The following UBE2K variants were observed in gnomAD, a reference collection of about 807,000 sequenced individuals.
UBE2K encodes ubiquitin-conjugating enzyme E2 K.
A neutral mutation model predicts 30.0 loss-of-function variants in UBE2K; 6 were observed. That is an observed-to-expected ratio of 0.20 (90% CI 0.11 to 0.39). The LOEUF is 0.39. UBE2K is among the 10% of genes least tolerant of loss of function. The probability of loss-of-function intolerance (pLI) is 1.00; values close to 1 mark genes in which losing one functional copy is unlikely to be tolerated. For synonymous variants in UBE2K, 86 were observed against 83.7 expected, an observed-to-expected ratio of 1.03 and a Z score of -0.15; for missense variants, 61 against 241.6, an observed-to-expected ratio of 0.25 and a Z score of 4.96.
At chr4:39,776,334 C>T (rs1454704080) in intron 5 of UBE2K, among the ~76,000 whole-genome samples, 1 of 152,210 alleles carries the variant, frequency 6.6e-6, no homozygotes, top group African/African-American at 2.4e-5. Context: ...TTCTTTTCAA[C>T]TGCTCTGATA....
At chr4:39,742,878 T>C (rs995039798) in intron 2 of UBE2K, among the ~76,000 whole-genome samples, 3 of 152,080 alleles carry the variant, frequency 2.0e-5, no homozygotes, top group South Asian at 4.1e-4. Flanking sequence ...AAACCTCATC[T>C]CTACTAAAAA....
rs1718059997 is a variant in UBE2K, at chr4:39,702,226, CTTTTCTTTTTTTTTTTTTTTTTTTT to C, written c.63+3841_63+3865del. On this transcript the variant is annotated intron_variant, in intron 1 of 6. Transcript: ENST00000261427. Reference sequence around the variant, plus strand: ...GTAACATTTTCTTTTCTTTTCTTTTCTTTTCTTTTTTTTTTTTTTTTTTTTTTTTTTTTTTTTTTTTTTTTGAGAC... The same window carrying C: ...GTAACATTTTCTTTTCTTTTCTTTTCTTTTTTTTTTTTTTTTTTTTGAGAC... Among the ~76,000 whole-genome samples, 6 of 90,860 alleles carry C rather than the reference CTTTTCTTTTTTTTTTTTTTTTTTTT, an allele frequency of 6.6e-5. No individual in the cohort carries two copies. In the East Asian group the frequency reaches 1.9e-3, roughly 29 times the overall value. 59.6% of individuals were successfully genotyped at this position (90,860 alleles called of 152,430 possible). A position where few individuals can be genotyped will look rare whatever the true frequency, so the allele number is the denominator to read the frequency against.
chr4:39,744,803 A>G (rs903435348), intron 2 of UBE2K, among the ~76,000 whole-genome samples: 4 of 151,390 alleles, frequency 2.6e-5, no homozygotes, highest in African/African-American at 9.7e-5. Flanking sequence ...GCTACTTGGG[A>G]GGCTGAGGCA....
At chr4:39,774,617 GAAA>G (rs532355558) in intron 4 of UBE2K, among the ~76,000 whole-genome samples, 74 of 151,296 alleles carry the variant, frequency 4.9e-4, no homozygotes, top group African/African-American at 1.6e-3. Flanking sequence ...CGTCTCAGGG[GAAA>G]AAAAGAAAAA....
At chr4:39,709,450 T>C (rs1718554314) in intron 1 of UBE2K, among the ~76,000 whole-genome samples, 2 of 152,110 alleles carry the variant, frequency 1.3e-5, no homozygotes, top group Non-Finnish European at 2.9e-5. Flanking sequence ...TTACCCATTG[T>C]CAACCATCGT....
At chr4:39,704,213 G>A (rs1466866757) in intron 1 of UBE2K, among the ~76,000 whole-genome samples, 1 of 151,594 alleles carries the variant, frequency 6.6e-6, no homozygotes, top group Non-Finnish European at 1.5e-5. Context: ...CGGTGATTGT[G>A]CCACTGCACT....
Position 39,781,763 on chromosome 4 carries a change from A to G in UBE2K, c.*3329A>G, listed in dbSNP as rs1044107178. ...GTTTACAGTTAACTTTATTTCATGG[A>G]CTTCTACAAAATGTTGTATTAATCA... On this transcript the variant is annotated 3_prime_UTR_variant, in exon 7 of 7. Transcript: ENST00000261427. 35 of 394,530 alleles carry G rather than the reference A, an allele frequency of 8.9e-5. No individual in the cohort carries two copies. Among genetic ancestry groups the G allele is most frequent in the Non-Finnish European group, 1.3e-4 (28 of 223,734 alleles). 24.4% of individuals were successfully genotyped at this position (394,530 alleles called of 1,614,324 possible). A position where few individuals can be genotyped will look rare whatever the true frequency, so the allele number is the denominator to read the frequency against.
intron 1 of UBE2K, among the ~76,000 whole-genome samples, chr4:39,734,119 T>TA (rs1331708897): frequency 6.6e-6 from 1 of 151,476 alleles, no homozygotes; most frequent in Non-Finnish European, 1.5e-5. Flanking sequence ...TTTTTTTTTT[T>TA]TTTTGAGACA....
chr4:39,770,700 T>G, intron 4 of UBE2K: 1 of 1,573,124 alleles, frequency 6.4e-7, no homozygotes, highest in Non-Finnish European at 8.6e-7. Context: ...CACGCTGCTC[T>G]GGGCCAGCTC....
intron 4 of UBE2K, among the ~76,000 whole-genome samples, chr4:39,773,794 G>A (rs1022609559): frequency 6.6e-5 from 10 of 151,928 alleles, no homozygotes; most frequent in South Asian, 2.1e-4. Flanking sequence ...GGTGGCGGGC[G>A]CCTGTTGTCC....
chr4:39,727,386 G>A lies in UBE2K; in HGVS notation c.64-10034G>A, dbSNP rs62310120. ...TCTTATGGGGGGAGCGCTGAGACAG[G>A]ATACACCACAGTCACCCAGGCAGGA... On this transcript the variant is annotated intron_variant, in intron 1 of 6. Transcript: ENST00000261427. Among the ~76,000 whole-genome samples the A allele has an allele frequency of 5.2e-3, 789 of 152,210 alleles. 3 individuals are homozygous for A. Among genetic ancestry groups the A allele is most frequent in the Middle Eastern group, 0.01 (3 of 294 alleles).
intron 4 of UBE2K, among the ~76,000 whole-genome samples, chr4:39,762,737 C>T (rs556544842): frequency 6.6e-6 from 1 of 152,248 alleles, no homozygotes; most frequent in East Asian, 1.9e-4. Flanking sequence ...TGGGTTCAAG[C>T]GATTCTCCTG....
At chr4:39,707,511 A>G (rs1398675740) in intron 1 of UBE2K, among the ~76,000 whole-genome samples, 1 of 149,944 alleles carries the variant, frequency 6.7e-6, no homozygotes, top group Non-Finnish European at 1.5e-5. Flanking sequence ...GTATGACTGT[A>G]TGAGGGAGGT....
rs924903248 is a variant in UBE2K, at chr4:39,724,189, C to A, written c.64-13231C>A. Among the ~76,000 whole-genome samples, 46 of 151,272 alleles carry A rather than the reference C, an allele frequency of 3.0e-4. 1 individual carries two copies. Among genetic ancestry groups the A allele is most frequent in the African/African-American group, 8.8e-4 (36 of 41,100 alleles). ...GTGGCACAATCATGGCTTACTACAA[C>A]CTGGAACTCCTGGGCTCAAGTGATC... On this transcript the variant is annotated intron_variant, in intron 1 of 6. Transcript: ENST00000261427.
intron 4 of UBE2K, among the ~76,000 whole-genome samples, chr4:39,759,918 G>A (rs1160636136): frequency 1.3e-5 from 2 of 152,174 alleles, no homozygotes; most frequent in African/African-American, 4.8e-5. Flanking sequence ...GCTCATGCCT[G>A]TTATCCCAAC....
intron 4 of UBE2K, among the ~76,000 whole-genome samples, chr4:39,764,729 ATTTCTT>A (rs1560375335): frequency 6.6e-6 from 1 of 151,992 alleles, no homozygotes; most frequent in African/African-American, 2.4e-5. Flanking sequence ...CCCCCGGCTG[ATTTCTT>A]TTTCTTTAAC....
At chr4:39,709,391 T>C (rs1280358591) in intron 1 of UBE2K, among the ~76,000 whole-genome samples, 2 of 152,100 alleles carry the variant, frequency 1.3e-5, no homozygotes, top group Non-Finnish European at 1.5e-5. Flanking sequence ...ATGGGGCTAG[T>C]GGCCAAGTAG....
chr4:39,721,058 C>CT (rs921227529), intron 1 of UBE2K, among the ~76,000 whole-genome samples: 2 of 152,062 alleles, frequency 1.3e-5, no homozygotes, highest in African/African-American at 2.4e-5. Context: ...TTCTGTTTTT[C>CT]TTTTTTTCTT....
Position 39,718,926 on chromosome 4 carries a change from C to T in UBE2K, c.64-18494C>T, listed in dbSNP as rs568331141. On this transcript the variant is annotated intron_variant, in intron 1 of 6. Transcript: ENST00000261427. ...AGGCTGAGGGAGCTGGCTCCGGCCTCGGCCATCCCAGGAAGGGGCTCCCAC... is the reference window on the plus strand; with the variant it reads ...AGGCTGAGGGAGCTGGCTCCGGCCTTGGCCATCCCAGGAAGGGGCTCCCAC... Among the ~76,000 whole-genome samples the T allele has an allele frequency of 7.9e-5, 12 of 152,384 alleles. No homozygotes were observed. In the South Asian group the frequency reaches 1.7e-3, roughly 21 times the overall value.
Sources: allele counts gnomAD v4.1 joint callset (sites outside exome capture counted in the v4.1 genomes callset), GRCh38; gene constraint gnomAD v4.1.1; transcripts MANE v1.5; gene names NCBI Gene and HGNC (gene_info 2026-07-23, HGNC 2026-07-21).